PCMT1: variants seen among roughly 807,000 people sequenced by gnomAD.
PCMT1 encodes the protein protein-L-isoaspartate (D-aspartate) O-methyltransferase.
Under a neutral mutation model 29.2 loss-of-function variants are expected in PCMT1, and 9 were observed. The observed-to-expected ratio is 0.31, with a 90% CI of 0.19 to 0.54. The LOEUF is 0.54. Among genes scored for constraint, PCMT1 ranks in the 20% least tolerant of loss-of-function variants. The pLI, the probability that PCMT1 is intolerant of heterozygous loss-of-function variation, is 0.95. For missense variants in PCMT1, 184 were observed against 282.2 expected (o/e 0.65, Z 2.49); for synonymous variants, 98 against 97.5 (o/e 1.00, Z -0.03).
At chr6:149,781,873 C>G (rs1035579936) in intron 3 of PCMT1, among the ~76,000 whole-genome samples, 2 of 152,160 alleles carry the variant, frequency 1.3e-5, no homozygotes, top group East Asian at 1.9e-4. Context: ...ACACTCTATA[C>G]TCATTCAATA....
Position 149,758,461 on chromosome 6 carries a change from C to T in PCMT1, c.55+8505C>T, listed in dbSNP as rs541223235. Reference sequence around the variant, plus strand: ...TCCTGACTTTGTGATCTGCCCACCTCGGCCTCCCAAAGTGCTGGGATTACA... The same window carrying T: ...TCCTGACTTTGTGATCTGCCCACCTTGGCCTCCCAAAGTGCTGGGATTACA... On this transcript the variant is annotated intron_variant, in intron 1 of 7. Coordinates refer to ENST00000464889, the MANE Select transcript of PCMT1 (RefSeq NM_001360452.2). 5.3e-5 allele frequency among the ~76,000 whole-genome samples: 8 copies of T among 150,800 alleles called. No individual in the cohort carries two copies. In the South Asian group the frequency reaches 8.4e-4, roughly 16 times the overall value.
At chr6:149,802,466 T>C (rs994431984) in intron 7 of PCMT1, 50 bp downstream of exon 7, 3 of 1,419,732 alleles carry the variant, frequency 2.1e-6, no homozygotes, top group Non-Finnish European at 1.9e-6. Flanking sequence ...CTGTTTTTGG[T>C]TGTCACCTTT....
chr6:149,798,529 G>T (rs1243356428), intron 6 of PCMT1, among the ~76,000 whole-genome samples: 3 of 152,058 alleles, frequency 2.0e-5, no homozygotes, highest in African/African-American at 7.3e-5. Context: ...TGTACTGAAG[G>T]GGCTTTCCAG....
At chr6:149,799,542 C>G (rs1305549553) in intron 6 of PCMT1, among the ~76,000 whole-genome samples, 1 of 152,208 alleles carries the variant, frequency 6.6e-6, no homozygotes, top group Non-Finnish European at 1.5e-5. Flanking sequence ...ATTCCATGCA[C>G]TATTTCACAA....
chr6:149,803,543 G>GAC (rs1775918964), intron 7 of PCMT1, among the ~76,000 whole-genome samples: 1 of 150,754 alleles, frequency 6.6e-6, no homozygotes, highest in South Asian at 2.1e-4. Flanking sequence ...TCCCTTCCAT[G>GAC]AGAGAGAGTG....
At chr6:149,750,131 C>A in intron 1 of PCMT1, 175 bp downstream of exon 1, 1 of 869,858 alleles carries the variant, frequency 1.1e-6, no homozygotes, top group Non-Finnish European at 1.7e-6. Flanking sequence ...CCCTCGGGAC[C>A]TGTCACTCGT....
At chr6:149,758,226 T>TTTTTTTTTTTTTTTTTTTTC (rs1426060535) in intron 1 of PCMT1, among the ~76,000 whole-genome samples, 1 of 142,356 alleles carries the variant, frequency 7.0e-6, no homozygotes, top group African/African-American at 2.7e-5. Context: ...TTTTTTTTTT[T>TTTTTTTTTTTTTTTTTTTTC]CTGAGACAGA....
In PCMT1 at chr6:149,802,428, T is replaced by C. The variant is rs1017331024; in HGVS notation, c.*37+12T>C. Reference sequence around the variant, plus strand: ...TCCACACATGCAAGGTGAAAGGGTGTGGATTTTAAGACATTAGACTACAAG... The same window carrying C: ...TCCACACATGCAAGGTGAAAGGGTGCGGATTTTAAGACATTAGACTACAAG... On this transcript the variant is annotated intron_variant, in intron 7 of 7. Coordinates refer to ENST00000464889, the MANE Select transcript of PCMT1 (RefSeq NM_001360452.2). 9.7e-6 allele frequency: 15 copies of C among 1,539,528 alleles called. No individual in the cohort carries two copies. The African/African-American group carries it at 1.9e-4, about 20-fold the overall frequency.
At chr6:149,770,645 G>T (rs1583020024) in intron 1 of PCMT1, among the ~76,000 whole-genome samples, 1 of 149,186 alleles carries the variant, frequency 6.7e-6, no homozygotes, top group African/African-American at 2.5e-5. Flanking sequence ...GGCGGAGGTT[G>T]CAGTGAGCCG....
intron 1 of PCMT1, among the ~76,000 whole-genome samples, chr6:149,764,093 A>G (rs1338958683): frequency 1.3e-5 from 2 of 152,188 alleles, no homozygotes; most frequent in African/African-American, 4.8e-5. Flanking sequence ...TCTATGAATC[A>G]CCCTCTGGGA....
At chr6:149,766,437 T>C (rs1787088341) in intron 1 of PCMT1, among the ~76,000 whole-genome samples, 1 of 152,204 alleles carries the variant, frequency 6.6e-6, no homozygotes, top group Admixed American at 6.5e-5. Context: ...TATATAAAAA[T>C]TCACCAGTTG....
chr6:149,756,874 G>A (rs958194662), intron 1 of PCMT1, among the ~76,000 whole-genome samples: 1 of 151,760 alleles, frequency 6.6e-6, no homozygotes, highest in African/African-American at 2.4e-5. Context: ...AATAAAATTG[G>A]CCGGGCGTGG....
chr6:149,785,145 ATTGTTT>A (rs1787971185), intron 3 of PCMT1, among the ~76,000 whole-genome samples: 1 of 149,244 alleles, frequency 6.7e-6, no homozygotes, highest in South Asian at 2.1e-4. Flanking sequence ...AATTTGGTTA[ATTGTTT>A]CCTAGTGGTG....
chr6:149,768,435 T>C (rs1302481830), intron 1 of PCMT1, among the ~76,000 whole-genome samples: 2 of 148,890 alleles, frequency 1.3e-5, no homozygotes, highest in East Asian at 4.0e-4. Flanking sequence ...TTTGATCTTT[T>C]AGTCTTGAAT....
At chr6:149,804,102 AATT>A (rs1775937494) in intron 7 of PCMT1, among the ~76,000 whole-genome samples, 2 of 151,456 alleles carry the variant, frequency 1.3e-5, no homozygotes, top group African/African-American at 4.8e-5. Flanking sequence ...AAAAAAAAAA[AATT>A]AAAAAGGCAT....
chr6:149,793,389 A>G (rs1002264595), intron 4 of PCMT1, among the ~76,000 whole-genome samples, 160 bp from the exon 5 acceptor site: 32 of 152,170 alleles, frequency 2.1e-4, no homozygotes, highest in Admixed American at 2.0e-3. Flanking sequence ...TATATGGTAA[A>G]TAATTTATGA....
At chr6:149,785,754 CAGAAG>C (rs1242682695) in intron 3 of PCMT1, among the ~76,000 whole-genome samples, 1 of 151,560 alleles carries the variant, frequency 6.6e-6, no homozygotes, top group African/African-American at 2.4e-5. Context: ...GATCCCAAGG[CAGAAG>C]AATTTTTCTT....
intron 7 of PCMT1, among the ~76,000 whole-genome samples, chr6:149,809,258 C>CAAAAAAAAAAAA (rs1209712068): frequency 2.1e-5 from 1 of 47,092 alleles, no homozygotes; most frequent in Admixed American, 3.3e-4. Context: ...GACTCTGTCT[C>CAAAAAAAAAAAA]AAAAAAAAAA....
chr6:149,755,186 G>T (rs959141075), intron 1 of PCMT1, among the ~76,000 whole-genome samples: 1 of 152,080 alleles, frequency 6.6e-6, no homozygotes. Flanking sequence ...CAGGAGGATC[G>T]CTTCAGTCCA....
Sources: gnomAD v4.1 joint callset for allele counts (sites outside exome capture counted in the v4.1 genomes callset) on GRCh38, gnomAD v4.1.1 for gene constraint, MANE v1.5 for transcripts, NCBI Gene and HGNC (gene_info 2026-07-23, HGNC 2026-07-21) for gene names.